Variants in DDB2 observed in about 807,000 individuals in gnomAD.
DDB2 encodes damage specific DNA binding protein 2, also known as DNA damage-binding protein 2.
DDB2 carries 27 observed loss-of-function variants against 50.5 expected under a neutral mutation model. The observed-to-expected ratio is 0.53, with a 90% CI of 0.39 to 0.74. The LOEUF (loss-of-function observed/expected upper bound fraction) is 0.74. DDB2 is among the 30% of genes least tolerant of loss of function. The probability of loss-of-function intolerance (pLI) is 0.00; values close to 1 mark genes in which losing one functional copy is unlikely to be tolerated. For synonymous variants in DDB2, 176 were observed against 205.5 expected (o/e 0.86, Z 1.23); for missense variants, 424 against 545.6 (o/e 0.78, Z 2.22).
intron 3 of DDB2, among the ~76,000 whole-genome samples, chr11:47,232,498 T>C (rs528468323): frequency 1.6e-4 from 21 of 133,060 alleles, no homozygotes; most frequent in Non-Finnish European, 2.5e-4. Flanking sequence ...AAAAAAAAAA[T>C]AGAAAAATTA....
intron 4 of DDB2, 52 bp from the exon 5 acceptor site, chr11:47,234,521 A>C (rs1953694572): frequency 1.3e-6 from 2 of 1,485,426 alleles, no homozygotes; most frequent in South Asian, 2.3e-5. Context: ...ACAGTGAGTA[A>C]ATAGGACTAT....
chr11:47,216,279 C>T, intron 1 of DDB2, 57 bp from the exon 2 acceptor site: 3 of 1,613,616 alleles, frequency 1.9e-6, no homozygotes, highest in Non-Finnish European at 1.7e-6. Flanking sequence ...TCGGGGAATT[C>T]AGCAGAAAAA....
Position 47,235,274 on chromosome 11 carries a change from T to C in DDB2, c.885T>C (p.Cys295=). ...AGGGGCTTTTCACTTTGCCAGCTTGTTTCAGTCCCGATGGAGCCCGGCTCC... is the reference window on the plus strand; with the variant it reads ...AGGGGCTTTTCACTTTGCCAGCTTGCTTCAGTCCCGATGGAGCCCGGCTCC... ...LPHRHPVNAA[C]FSPDGARLLT... Residue 295 remains cysteine, a synonymous_variant, in exon 7 of 10, where the codon TGT becomes TGC. Coordinates refer to ENST00000256996, the MANE Select transcript of DDB2 (RefSeq NM_000107.3). 11 of 1,614,216 alleles carry C rather than the reference T, an allele frequency of 6.8e-6. No individual in the cohort carries two copies. Among genetic ancestry groups the C allele is most frequent in the Non-Finnish European group, 9.3e-6 (11 of 1,180,046 alleles).
chr11:47,215,312 GC>G (rs1565149812), intron 1 of DDB2, 49 bp downstream of exon 1: 2 of 1,612,126 alleles, frequency 1.2e-6, no homozygotes, highest in Admixed American at 3.3e-5. Flanking sequence ...TAGGGTGCTC[GC>G]GCAGGAGGCT....
intron 3 of DDB2, among the ~76,000 whole-genome samples, chr11:47,219,357 T>G (rs1953449433): frequency 6.6e-6 from 1 of 151,264 alleles, no homozygotes; most frequent in South Asian, 2.1e-4. Context: ...CTCCAGAACT[T>G]CATTATTTTT....
chr11:47,235,652 A>C (rs371732878), intron 7 of DDB2: 2 of 568,244 alleles, frequency 3.5e-6, no homozygotes, highest in Non-Finnish European at 6.3e-6. Context: ...TTTTCAGCCC[A>C]GCTCTGATCT....
intron 4 of DDB2, among the ~76,000 whole-genome samples, chr11:47,234,059 T>C (rs1375378384): frequency 2.0e-5 from 3 of 152,172 alleles, no homozygotes; most frequent in Non-Finnish European, 4.4e-5. Context: ...CTAGTCAGCC[T>C]CCCAGTCCAG....
intron 1 of DDB2, 75 bp from the exon 2 acceptor site, chr11:47,216,261 G>C: frequency 5.0e-6 from 8 of 1,606,820 alleles, no homozygotes; most frequent in Non-Finnish European, 6.8e-6. Flanking sequence ...ATGAAACAAG[G>C]CTTCCTTTCG....
At chr11:47,221,921 A>G (rs933475615) in intron 3 of DDB2, among the ~76,000 whole-genome samples, 1 of 152,236 alleles carries the variant, frequency 6.6e-6, no homozygotes, top group Admixed American at 6.5e-5. Flanking sequence ...TATAGTGGAC[A>G]TAAACTGCAG....
chr11:47,238,214 C>T, intron 9 of DDB2, 31 bp downstream of exon 9: 1 of 1,585,532 alleles, frequency 6.3e-7, no homozygotes. Flanking sequence ...TCTGACTTGC[C>T]AAGTCCGATC....
intron 9 of DDB2, among the ~76,000 whole-genome samples, chr11:47,238,550 T>G (rs1953782466): frequency 6.6e-6 from 1 of 152,074 alleles, no homozygotes; most frequent in Non-Finnish European, 1.5e-5. Context: ...AGGTGCCCGC[T>G]ACCACGCCCA....
In DDB2 at chr11:47,215,944, G is replaced by T. The variant is rs920880190; in HGVS notation, c.128-392G>T. 3 of 326,324 alleles carry T rather than the reference G, an allele frequency of 9.2e-6. No individual in the cohort carries two copies. The Admixed American group carries it at 1.4e-4, about 15-fold the overall frequency. The allele number at this position is 326,324 out of a possible 1,614,324, so 20.2% of individuals were successfully genotyped here. A position where few individuals can be genotyped will look rare whatever the true frequency, so the allele number is the denominator to read the frequency against. ...TTTCCTAAACGGTGACTTCTGCCAT[G>T]CTGCCCTAAAATCTTTTTATTGTGC... On this transcript the variant is annotated intron_variant, in intron 1 of 9. Coordinates refer to ENST00000256996, the MANE Select transcript of DDB2 (RefSeq NM_000107.3).
Position 47,215,187 on chromosome 11 carries a change from A to G in DDB2, c.51A>G (p.Leu17=), listed in dbSNP as rs1369427505. 1.9e-6 allele frequency: 3 copies of G among 1,614,034 alleles called. No homozygotes were observed. The highest frequency in any genetic ancestry group is 2.5e-6 in the Non-Finnish European group (3 of 1,180,012). ...PETQKTSEIV[L]RPRNKRSRSP... is the part of the protein sequence containing the mutation. ...CCCAGAAGACCTCCGAGATTGTATT[A>G]CGCCCCAGGAACAAGAGGAGCAGGA... Residue 17 remains leucine (L), a synonymous_variant, in exon 1 of 10, where the codon TTA becomes TTG. Transcript: ENST00000256996.
chr11:47,227,132 G>A (rs1953571183), intron 3 of DDB2, among the ~76,000 whole-genome samples: 2 of 114,592 alleles, frequency 1.7e-5, no homozygotes, highest in South Asian at 6.2e-4. Context: ...TTGAGATGGA[G>A]TTTTGCTCCT....
intron 6 of DDB2, 126 bp from the exon 7 acceptor site, chr11:47,235,144 C>A (rs907576323): frequency 7.0e-7 from 1 of 1,438,136 alleles, no homozygotes; most frequent in Non-Finnish European, 9.8e-7. Context: ...CCAGATTCAC[C>A]TCTTCCTTTC....
At chr11:47,220,921 A>G (rs11039134) in intron 3 of DDB2, among the ~76,000 whole-genome samples, 75,925 of 152,056 alleles carry the variant, frequency 0.5, 22,644 homozygotes, top group Non-Finnish European at 0.66. Flanking sequence ...GCACTTTGGG[A>G]GGCCGAGGCG....
intron 4 of DDB2, 132 bp downstream of exon 4, chr11:47,233,091 T>C: frequency 1.9e-6 from 2 of 1,074,586 alleles, no homozygotes; most frequent in Non-Finnish European, 2.9e-6. Context: ...CTTTCCGCCC[T>C]TCTTTCTCTT....
chr11:47,229,982 C>A (rs552520256), intron 3 of DDB2, among the ~76,000 whole-genome samples: 51 of 151,916 alleles, frequency 3.4e-4, no homozygotes, highest in African/African-American at 1.2e-3. Context: ...AGGTGTGCAC[C>A]ATCACTCCCA....
rs566446044 is a variant in DDB2 at position 47,215,637 on chromosome 11, A to G, written c.127+374A>G. 32 of 337,712 alleles carry G rather than the reference A, an allele frequency of 9.5e-5. 1 individual carries two copies. The highest frequency in any genetic ancestry group is 3.7e-4 in the East Asian group (5 of 13,430). The allele number at this position is 337,712 out of a possible 1,614,324, so 20.9% of individuals were successfully genotyped here. A position where few individuals can be genotyped will look rare whatever the true frequency, so the allele number is the denominator to read the frequency against. On this transcript the variant is annotated intron_variant, in intron 1 of 9. Transcript: ENST00000256996. ...CGGTGGTCAGTTGTGAGAGCCCCCA[A>G]TTCCTTCCTCCTTAGAAAGCTCATT...
Sources: allele counts gnomAD v4.1 joint callset (sites outside exome capture counted in the v4.1 genomes callset), GRCh38; gene constraint gnomAD v4.1.1; transcripts MANE v1.5; gene names NCBI Gene and HGNC (gene_info 2026-07-23, HGNC 2026-07-21).